DGKB: variants seen among roughly 807,000 people sequenced by gnomAD.
DGKB encodes the protein diacylglycerol kinase beta, also known as 90 kDa diacylglycerol kinase.
Under a neutral mutation model 114.3 loss-of-function variants are expected in DGKB, and 67 were observed. The ratio of observed to expected loss-of-function variants is 0.59; its 90% CI spans 0.48 to 0.72. The LOEUF (loss-of-function observed/expected upper bound fraction) is 0.72. Among genes scored for constraint, DGKB ranks in the 30% least tolerant of loss-of-function variants. The pLI is 0.00. For missense variants in DGKB, 907 were observed against 975.2 expected (o/e 0.93, Z 0.93); for synonymous variants, 398 against 323.1 (o/e 1.23, Z -2.49).
intron 6 of DGKB, among the ~76,000 whole-genome samples, chr7:14,714,590 G>A (rs560350239): frequency 3.9e-5 from 6 of 152,170 alleles, no homozygotes; most frequent in Non-Finnish European, 7.4e-5. Context: ...CACTTAATGA[G>A]TAAGATGATG....
In DGKB at chr7:14,888,048, A is replaced by G. The variant is rs531287517; in HGVS notation, c.-188+14544T>C. On this transcript the variant is annotated intron_variant, in intron 1 of 25. Coordinates refer to ENST00000402815, the MANE Select transcript of DGKB (RefSeq NM_001350709.2). ...GAATAAGTAGAAATAATATCAGGGT[A>G]GTGCAATCTTACCAATGACAAAGGA... Among the ~76,000 whole-genome samples, 18 of 151,876 alleles carry G rather than the reference A, an allele frequency of 1.2e-4. No individual in the cohort carries two copies. The East Asian group carries it at 3.5e-3, about 29-fold the overall frequency.
intron 9 of DGKB, among the ~76,000 whole-genome samples, chr7:14,691,222 G>A (rs1285041097): frequency 6.6e-6 from 1 of 152,160 alleles, no homozygotes; most frequent in Non-Finnish European, 1.5e-5. Context: ...TTCCTTTTCT[G>A]TGTAATTTGA....
chr7:14,311,084 C>T (rs949573909), intron 23 of DGKB, among the ~76,000 whole-genome samples: 1 of 151,976 alleles, frequency 6.6e-6, no homozygotes, highest in African/African-American at 2.4e-5. Flanking sequence ...GCCAAGGTCA[C>T]GCCACTGCAC....
intron 20 of DGKB, among the ~76,000 whole-genome samples, chr7:14,540,173 T>C (rs1373519776): frequency 6.6e-6 from 1 of 152,024 alleles, no homozygotes. Context: ...CCATACATCA[T>C]TTTGGGAGGT....
At chr7:14,395,024 A>C (rs998341) in intron 21 of DGKB, among the ~76,000 whole-genome samples, 19,348 of 151,922 alleles carry the variant, frequency 0.13, 4,020 homozygotes, top group African/African-American at 0.44. Flanking sequence ...AACAACAAGG[A>C]AACTTTTGCT....
intron 23 of DGKB, among the ~76,000 whole-genome samples, chr7:14,236,351 A>AAAC (rs1554298733): frequency 1.3e-5 from 2 of 151,026 alleles, no homozygotes; most frequent in African/African-American, 2.4e-5. Context: ...TAATAAAAAA[A>AAAC]AAGCTATTAT....
In DGKB at chr7:14,145,982, T is replaced by C. The variant is rs946265855; in HGVS notation, c.*3149A>G. 1 of 152,222 alleles carries C rather than the reference T, an allele frequency of 6.6e-6. No individual in the cohort carries two copies. Among genetic ancestry groups the C allele is most frequent in the African/African-American group, 2.4e-5 (1 of 41,460 alleles). 9.4% of individuals were successfully genotyped at this position (152,222 alleles called of 1,614,324 possible). ...AAACACGTATGTGATTCATTAGCCCTCACTGGATTTAAATTTCTGTCTGCA... is the reference window on the plus strand; with the variant it reads ...AAACACGTATGTGATTCATTAGCCCCCACTGGATTTAAATTTCTGTCTGCA... On this transcript the variant is annotated 3_prime_UTR_variant, in exon 26 of 26. Transcript: ENST00000402815.
intron 13 of DGKB, among the ~76,000 whole-genome samples, chr7:14,666,216 AT>A (rs1482488435): frequency 6.6e-5 from 10 of 152,022 alleles, no homozygotes; most frequent in African/African-American, 2.4e-4. Context: ...AATGAAGGAC[AT>A]TTCCAACATA....
chr7:14,703,398 T>C (rs962039294), intron 6 of DGKB, among the ~76,000 whole-genome samples: 1 of 152,190 alleles, frequency 6.6e-6, no homozygotes, highest in African/African-American at 2.4e-5. Flanking sequence ...AGGATATATA[T>C]AGATAATGGG....
At chr7:14,505,055 C>T (rs1786816624) in intron 20 of DGKB, among the ~76,000 whole-genome samples, 1 of 152,150 alleles carries the variant, frequency 6.6e-6, no homozygotes. Context: ...TCTCTTAACC[C>T]CTGGCCTCAC....
At chr7:14,560,375 C>G (rs1250155859) in intron 20 of DGKB, among the ~76,000 whole-genome samples, 1 of 152,154 alleles carries the variant, frequency 6.6e-6, no homozygotes, top group Non-Finnish European at 1.5e-5. Context: ...TCCCCCTCTT[C>G]CTAGCCCTGG....
At chr7:14,660,447 GGA>G (rs1309025801) in intron 13 of DGKB, among the ~76,000 whole-genome samples, 1 of 151,972 alleles carries the variant, frequency 6.6e-6, no homozygotes, top group Non-Finnish European at 1.5e-5. Context: ...TTTAGTCTTA[GGA>G]GACTGTATGT....
chr7:14,878,350 T>C (rs556143752), intron 1 of DGKB, among the ~76,000 whole-genome samples: 1 of 152,328 alleles, frequency 6.6e-6, no homozygotes, highest in South Asian at 2.1e-4. Flanking sequence ...TTTAAAAGAC[T>C]GTCAGCAGCC....
chr7:14,854,622 C>T (rs898393509), intron 1 of DGKB, among the ~76,000 whole-genome samples: 2 of 152,250 alleles, frequency 1.3e-5, no homozygotes, highest in Non-Finnish European at 2.9e-5. Context: ...TAACAGGAGG[C>T]GGAGCTCAGG....
chr7:14,710,016 TC>T (rs1827085626), intron 6 of DGKB, among the ~76,000 whole-genome samples: 1 of 145,632 alleles, frequency 6.9e-6, no homozygotes, highest in African/African-American at 2.5e-5. Flanking sequence ...TGTTTGCCAA[TC>T]TTTTCTTCTC....
intron 14 of DGKB, among the ~76,000 whole-genome samples, chr7:14,625,217 A>G (rs940723149): frequency 7.9e-5 from 12 of 152,208 alleles, no homozygotes; most frequent in Non-Finnish European, 1.0e-4. Flanking sequence ...AGACACACGC[A>G]TCAAGAAAAC....
intron 21 of DGKB, among the ~76,000 whole-genome samples, chr7:14,432,780 C>T (rs1258846579): frequency 2.6e-5 from 4 of 152,120 alleles, no homozygotes; most frequent in Non-Finnish European, 4.4e-5. Context: ...TTTATCTCCT[C>T]TATTTCCCTC....
At chr7:14,177,200 G>C (rs1781883869) in intron 24 of DGKB, among the ~76,000 whole-genome samples, 1 of 152,086 alleles carries the variant, frequency 6.6e-6, no homozygotes, top group Admixed American at 6.6e-5. Flanking sequence ...ACAGCCAAAA[G>C]AGATTCCTTG....
chr7:14,629,754 C>A (rs1331653128), intron 14 of DGKB, among the ~76,000 whole-genome samples: 1 of 152,058 alleles, frequency 6.6e-6, no homozygotes, highest in Non-Finnish European at 1.5e-5. Context: ...TTTCTCTATA[C>A]AATGGCATGG....
Sources: gnomAD v4.1 joint callset for allele counts (sites outside exome capture counted in the v4.1 genomes callset) on GRCh38, gnomAD v4.1.1 for gene constraint, MANE v1.5 for transcripts, NCBI Gene and HGNC (gene_info 2026-07-23, HGNC 2026-07-21) for gene names.